EFNA5: variants seen among roughly 807,000 people sequenced by gnomAD.
EFNA5 encodes the protein ephrin A5.
EFNA5 carries 5 observed loss-of-function variants against 22.9 expected under a neutral mutation model. The ratio of observed to expected loss-of-function variants is 0.22; its 90% CI spans 0.11 to 0.46. The LOEUF (loss-of-function observed/expected upper bound fraction) is 0.46, where lower values mean the gene tolerates loss of function less well. Ranked by LOEUF, EFNA5 falls within the 20% of genes least tolerant of loss-of-function variation. The pLI, the probability that EFNA5 is intolerant of heterozygous loss-of-function variation, is 0.99. For missense variants in EFNA5, 237 were observed against 293.3 expected (o/e 0.81, Z 1.40); for synonymous variants, 113 against 112.2 (o/e 1.01, Z -0.04).
intron 4 of EFNA5, among the ~76,000 whole-genome samples, chr5:107,384,062 A>G (rs866932921): frequency 9.2e-5 from 14 of 152,266 alleles, no homozygotes; most frequent in Admixed American, 2.6e-4. Flanking sequence ...CAGGTTCTCA[A>G]TGTTGGAAGA....
chr5:107,493,057 A>T (rs971752498), intron 1 of EFNA5, among the ~76,000 whole-genome samples: 11 of 151,958 alleles, frequency 7.2e-5, no homozygotes, highest in Non-Finnish European at 1.3e-4. Flanking sequence ...CAGGAAAGCT[A>T]AAAAAATGCT....
rs1293214127 is a variant in EFNA5, at chr5:107,486,528, A to G, written c.126-59019T>C. 7.2e-5 allele frequency among the ~76,000 whole-genome samples: 11 copies of G among 152,368 alleles called. No homozygotes were observed. The East Asian group carries it at 2.1e-3, about 29-fold the overall frequency. Reference sequence around the variant, plus strand: ...AGATAAAAGAAAGACATCAGTTTATAGAGTTCACCCATATCTAACTTTCTT... The same window carrying G: ...AGATAAAAGAAAGACATCAGTTTATGGAGTTCACCCATATCTAACTTTCTT... On this transcript the variant is annotated intron_variant, in intron 1 of 4. Coordinates refer to ENST00000333274, the MANE Select transcript of EFNA5 (RefSeq NM_001962.3).
intron 1 of EFNA5, among the ~76,000 whole-genome samples, chr5:107,538,584 CA>C (rs2112458151): frequency 6.6e-6 from 1 of 152,244 alleles, no homozygotes; most frequent in Admixed American, 6.5e-5. Context: ...ATAGCACAAG[CA>C]AAGCTGACAA....
chr5:107,466,559 C>T lies in EFNA5; in HGVS notation c.126-39050G>A, dbSNP rs569965077. On this transcript the variant is annotated intron_variant, in intron 1 of 4. Transcript: ENST00000333274. ...TGGAATGCTACCCTTCCCAGCTGTG[C>T]GGCATGAGGAATGTTCTCGCGAGAT... 9.2e-5 allele frequency among the ~76,000 whole-genome samples: 14 copies of T among 152,214 alleles called. No homozygotes were observed. The South Asian group carries it at 1.2e-3, about 14-fold the overall frequency.
intron 1 of EFNA5, among the ~76,000 whole-genome samples, chr5:107,513,848 GA>G (rs995971666): frequency 5.9e-5 from 9 of 152,268 alleles, no homozygotes; most frequent in Admixed American, 1.3e-4. Context: ...TGGATGAGCA[GA>G]GGGGAGAGGA....
chr5:107,661,276 C>T (rs1041091043), intron 1 of EFNA5, among the ~76,000 whole-genome samples: 4 of 152,180 alleles, frequency 2.6e-5, no homozygotes, highest in Admixed American at 2.6e-4. Flanking sequence ...TTTATAGCGA[C>T]TATATGGACA....
At chr5:107,527,457 T>C (rs984679220) in intron 1 of EFNA5, among the ~76,000 whole-genome samples, 2 of 151,980 alleles carry the variant, frequency 1.3e-5, no homozygotes, top group Non-Finnish European at 2.9e-5. Flanking sequence ...CAGCTAATTT[T>C]TGTATTTTTA....
chr5:107,463,122 G>C (rs1221613318), intron 1 of EFNA5, among the ~76,000 whole-genome samples: 1 of 152,100 alleles, frequency 6.6e-6, no homozygotes, highest in Non-Finnish European at 1.5e-5. Flanking sequence ...TTAATTCAAA[G>C]TTAATCTACT....
chr5:107,637,774 A>G (rs985971977), intron 1 of EFNA5, among the ~76,000 whole-genome samples: 1 of 149,248 alleles, frequency 6.7e-6, no homozygotes, highest in African/African-American at 2.4e-5. Flanking sequence ...GTAATAATAT[A>G]TATAATCAGT....
chr5:107,642,934 GAAAA>G (rs34467356), intron 1 of EFNA5, among the ~76,000 whole-genome samples: 1 of 133,770 alleles, frequency 7.5e-6, no homozygotes, highest in African/African-American at 2.8e-5. Context: ...TTCCTCACCT[GAAAA>G]AAAAAAAAAA....
At chr5:107,595,938 C>G (rs2112508117) in intron 1 of EFNA5, among the ~76,000 whole-genome samples, 1 of 152,238 alleles carries the variant, frequency 6.6e-6, no homozygotes, top group South Asian at 2.1e-4. Flanking sequence ...AACACATATT[C>G]ATAGCTGGCA....
At chr5:107,468,609 G>A (rs1750056862) in intron 1 of EFNA5, among the ~76,000 whole-genome samples, 1 of 152,144 alleles carries the variant, frequency 6.6e-6, no homozygotes, top group Non-Finnish European at 1.5e-5. Flanking sequence ...TAGAAATTAA[G>A]GAATGTGTTC....
chr5:107,396,368 T>C (rs1747924763), intron 2 of EFNA5, among the ~76,000 whole-genome samples: 1 of 152,234 alleles, frequency 6.6e-6, no homozygotes, highest in Admixed American at 6.5e-5. Context: ...TGACCTGTTT[T>C]AGAGGGGCAG....
chr5:107,432,691 A>G (rs1031967353), intron 1 of EFNA5, among the ~76,000 whole-genome samples: 48 of 152,356 alleles, frequency 3.2e-4, no homozygotes, highest in African/African-American at 1.1e-3. Flanking sequence ...CTCAAGAGTC[A>G]AGAAACATCT....
chr5:107,426,912 A>G, intron 2 of EFNA5: 1 of 288,550 alleles, frequency 3.5e-6, no homozygotes, highest in Non-Finnish European at 6.5e-6. Context: ...TTTTTTCAGG[A>G]GTCTTTTTTT....
chr5:107,573,984 A>C (rs1748871231), intron 1 of EFNA5, among the ~76,000 whole-genome samples: 1 of 152,206 alleles, frequency 6.6e-6, no homozygotes, highest in South Asian at 2.1e-4. Flanking sequence ...ACTTGGGGTG[A>C]TTTTAGCTGT....
chr5:107,553,302 T>C (rs1359538720), intron 1 of EFNA5, among the ~76,000 whole-genome samples: 1 of 152,064 alleles, frequency 6.6e-6, no homozygotes, highest in East Asian at 1.9e-4. Flanking sequence ...GGCTCGGCTG[T>C]GGAAACGTTA....
intron 1 of EFNA5, among the ~76,000 whole-genome samples, chr5:107,544,815 C>T (rs1223251460): frequency 6.6e-6 from 1 of 152,134 alleles, no homozygotes; most frequent in Non-Finnish European, 1.5e-5. Context: ...TAGCACAATG[C>T]TTGGCATATT....
intron 1 of EFNA5, among the ~76,000 whole-genome samples, chr5:107,452,681 T>C (rs153689): frequency 0.62 from 94,017 of 152,024 alleles, 29,366 homozygotes; most frequent in Middle Eastern, 0.68. Flanking sequence ...GAATCGTGAT[T>C]GAGCCACTGT....
Sources: allele counts gnomAD v4.1 joint callset (sites outside exome capture counted in the v4.1 genomes callset), GRCh38; gene constraint gnomAD v4.1.1; transcripts MANE v1.5; gene names NCBI Gene and HGNC (gene_info 2026-07-23, HGNC 2026-07-21).